The following NEDD4L variants were observed in gnomAD, a reference collection of about 807,000 sequenced individuals.
The protein encoded by NEDD4L is E3 ubiquitin-protein ligase NEDD4-like.
NEDD4L carries 54 observed loss-of-function variants against 148.9 expected under a neutral mutation model. The observed-to-expected ratio is 0.36, with a 90% CI of 0.29 to 0.45. The LOEUF is 0.45. NEDD4L is among the 20% of genes least tolerant of loss of function. The pLI, the probability that NEDD4L is intolerant of heterozygous loss-of-function variation, is 1.00. For synonymous variants in NEDD4L, 433 were observed against 440.7 expected (o/e 0.98, Z 0.22); for missense variants, 856 against 1,233.8 (o/e 0.69, Z 4.59).
intron 13 of NEDD4L, among the ~76,000 whole-genome samples, chr18:58,338,062 A>T (rs1249664016): frequency 6.6e-6 from 1 of 152,212 alleles, no homozygotes; most frequent in Non-Finnish European, 1.5e-5. Flanking sequence ...CAAAGTGGTT[A>T]TTTTTAAAAG....
At chr18:58,324,411 C>T (rs1297651884) in intron 8 of NEDD4L, among the ~76,000 whole-genome samples, 4 of 152,168 alleles carry the variant, frequency 2.6e-5, no homozygotes, top group African/African-American at 9.7e-5. Context: ...CAGCAGCTTC[C>T]AGACTCCTGG....
intron 19 of NEDD4L, among the ~76,000 whole-genome samples, 170 bp from the exon 20 acceptor site, chr18:58,364,098 T>C (rs2045835988): frequency 1.3e-5 from 2 of 152,234 alleles, no homozygotes; most frequent in African/African-American, 2.4e-5. Context: ...TCATCAGTTC[T>C]AGGACTTTCC....
chr18:58,165,049 A>G (rs1395111740), intron 1 of NEDD4L, among the ~76,000 whole-genome samples: 2 of 152,208 alleles, frequency 1.3e-5, no homozygotes, highest in Non-Finnish European at 2.9e-5. Context: ...TAAATGTCGT[A>G]GCCCTTATCT....
rs1187131098 is a variant in NEDD4L, at chr18:58,329,033, T to A, written c.719T>A (p.Ile240Asn). Residue 240 changes from isoleucine (I) to asparagine (N), a missense_variant, in exon 10 of 31, where the codon ATC (isoleucine) becomes AAC (asparagine). This residue lies in a region of NEDD4L where 367 missense variants were observed against 422.7 expected (regional missense o/e 0.87). Transcript: ENST00000400345. ...SSESDNNIRQ[I>N]NQEAAHRRFR... ...GAGTCGGACAATAACATCAGACAGA[T>A]CAACCAGGAGGCAGCACACCGGCGC... 4 of 1,613,872 alleles carry A rather than the reference T, an allele frequency of 2.5e-6. No homozygotes were observed. The highest frequency in any genetic ancestry group is 1.3e-5 in the African/African-American group (1 of 74,920).
At chr18:58,051,920 T>C (rs2081890550) in intron 1 of NEDD4L, among the ~76,000 whole-genome samples, 1 of 152,222 alleles carries the variant, frequency 6.6e-6, no homozygotes, top group African/African-American at 2.4e-5. Flanking sequence ...ATTGTTTCTC[T>C]TCCAGGTCAC....
chr18:58,326,241 C>G (rs937628835), intron 9 of NEDD4L, among the ~76,000 whole-genome samples: 8 of 152,146 alleles, frequency 5.3e-5, no homozygotes, highest in Non-Finnish European at 1.0e-4. Flanking sequence ...TCTGGAACAA[C>G]GAATAGCCTG....
Position 58,249,847 on chromosome 18 carries a change from G to A in NEDD4L, c.243+910G>A, listed in dbSNP as rs538349478. On this transcript the variant is annotated intron_variant, in intron 4 of 30. Transcript: ENST00000400345. ...TCCATTATGCTCAGAGCTGAAATAT[G>A]GCACTGATACTTTCATACTTGGTGA... Among the ~76,000 whole-genome samples, 3 of 152,314 alleles carry A rather than the reference G, an allele frequency of 2.0e-5. No individual in the cohort carries two copies. In the East Asian group the frequency reaches 5.8e-4, roughly 29 times the overall value.
intron 1 of NEDD4L, among the ~76,000 whole-genome samples, chr18:58,139,312 A>G (rs1201004922): frequency 7.0e-6 from 1 of 143,580 alleles, no homozygotes; most frequent in South Asian, 2.3e-4. Flanking sequence ...CCCGCCCCAT[A>G]CAGGAGACCC....
At chr18:58,341,317 C>G (rs2145170777) in intron 14 of NEDD4L, 148 bp downstream of exon 14, 1 of 888,946 alleles carries the variant, frequency 1.1e-6, no homozygotes, top group Non-Finnish European at 1.7e-6. Flanking sequence ...ACTTTAAATA[C>G]AATAATAGCC....
At chr18:58,141,144 G>T (rs964626702) in intron 1 of NEDD4L, among the ~76,000 whole-genome samples, 1 of 152,204 alleles carries the variant, frequency 6.6e-6, no homozygotes, top group Non-Finnish European at 1.5e-5. Context: ...CCAGCACGGG[G>T]TGGCTGCCCT....
intron 1 of NEDD4L, among the ~76,000 whole-genome samples, chr18:58,089,414 C>T (rs550259604): frequency 6.6e-6 from 1 of 152,184 alleles, no homozygotes; most frequent in Admixed American, 6.5e-5. Context: ...GGATTACAGG[C>T]GTGAACCACG....
intron 2 of NEDD4L, among the ~76,000 whole-genome samples, chr18:58,188,745 A>G (rs891020953): frequency 6.6e-6 from 1 of 152,282 alleles, no homozygotes; most frequent in African/African-American, 2.4e-5. Context: ...AAGCAGATGC[A>G]TATTAATGCC....
intron 9 of NEDD4L, among the ~76,000 whole-genome samples, chr18:58,326,698 G>T (rs192912829): frequency 6.6e-6 from 1 of 152,232 alleles, no homozygotes. Context: ...GTGGCCAGGA[G>T]CAACTCACAA....
At chr18:58,166,413 A>G (rs2036849322) in intron 2 of NEDD4L, among the ~76,000 whole-genome samples, 1 of 152,222 alleles carries the variant, frequency 6.6e-6, no homozygotes, top group Admixed American at 6.5e-5. Flanking sequence ...TCTTTAAATC[A>G]GCCCTTTTGT....
intron 1 of NEDD4L, among the ~76,000 whole-genome samples, chr18:58,147,971 C>T (rs534422966): frequency 5.5e-4 from 83 of 152,064 alleles, no homozygotes; most frequent in African/African-American, 1.9e-3. Context: ...GGGCTGGGCT[C>T]GGAATGGGGT....
chr18:58,350,864 A>G, intron 17 of NEDD4L, 127 bp from the exon 18 acceptor site: 1 of 648,706 alleles, frequency 1.5e-6, no homozygotes, highest in African/African-American at 1.8e-5. Flanking sequence ...GTTCACGCTC[A>G]ATGCATAAAT....
rs376290456 is a variant in NEDD4L at position 58,303,152 on chromosome 18, T to C, written c.298-12830T>C. On this transcript the variant is annotated intron_variant, in intron 5 of 30. Coordinates refer to ENST00000400345, the MANE Select transcript of NEDD4L (RefSeq NM_001144967.3). ...CTTCTTGCAAGCATGGGCACTTGAA[T>C]TGTAGCCCATGTACACAGTGATTCT... Among the ~76,000 whole-genome samples, 34 of 152,316 alleles carry C rather than the reference T, an allele frequency of 2.2e-4. 1 individual carries two copies. In the South Asian group the frequency reaches 7.0e-3, roughly 32 times the overall value.
rs141045814 is a variant in NEDD4L, at chr18:58,386,930, C to T, written c.2488-509C>T. Among the ~76,000 whole-genome samples the T allele has an allele frequency of 3.2e-4, 48 of 152,322 alleles. 1 individual carries two copies. In the East Asian group the frequency reaches 3.9e-3, roughly 12 times the overall value. On this transcript the variant is annotated intron_variant, in intron 26 of 30. Transcript: ENST00000400345. ...TCCACACCTTCAGAAACGCGGCGTTCGCAGCGCGCAGGGCCCAGCAGAGCT... is the reference window on the plus strand; with the variant it reads ...TCCACACCTTCAGAAACGCGGCGTTTGCAGCGCGCAGGGCCCAGCAGAGCT...
At chr18:58,068,186 A>G (rs1022279199) in intron 1 of NEDD4L, among the ~76,000 whole-genome samples, 3 of 142,822 alleles carry the variant, frequency 2.1e-5, no homozygotes, top group Admixed American at 7.1e-5. Flanking sequence ...GAACTCCTAG[A>G]ATTCTTTTTT....
Sources: gnomAD v4.1 joint callset for allele counts (sites outside exome capture counted in the v4.1 genomes callset) on GRCh38, gnomAD v4.1.1 for gene constraint, gnomAD v4.1.1 regional missense constraint, MANE v1.5 for transcripts, NCBI Gene and HGNC (gene_info 2026-07-23, HGNC 2026-07-21) for gene names.